SPRY3: variants seen among roughly 807,000 people sequenced by gnomAD.
SPRY3 encodes protein sprouty homolog 3.
Under a neutral mutation model 20.2 loss-of-function variants are expected in SPRY3, and 15 were observed. That is an observed-to-expected ratio of 0.74 (90% CI 0.50 to 1.14). The LOEUF (loss-of-function observed/expected upper bound fraction) is 1.14. SPRY3 is among the 50% of genes most tolerant of loss of function. SPRY3 has a pLI of 0.00. For missense variants in SPRY3, 364 were observed against 363.9 expected (o/e 1.00, Z 0.00); for synonymous variants, 143 against 136.5 (o/e 1.05, Z -0.33).
chrX:155,767,235 GGA>G, intron 2 of SPRY3, among the ~76,000 whole-genome samples: 1 of 151,834 alleles, frequency 6.6e-6, no homozygotes, highest in Non-Finnish European at 1.5e-5. Context: ...GGGGGAGGGG[GGA>G]GAGAAAGAAA....
chrX:155,745,557 A>G (rs898023039), intron 2 of SPRY3, among the ~76,000 whole-genome samples: 3 of 152,078 alleles, frequency 2.0e-5, no homozygotes, highest in African/African-American at 7.2e-5. Flanking sequence ...CTTGTCTTCC[A>G]AACAAAAAAT....
intron 2 of SPRY3, among the ~76,000 whole-genome samples, chrX:155,737,456 A>G (rs2091176764): frequency 6.6e-6 from 1 of 152,174 alleles, no homozygotes; most frequent in African/African-American, 2.4e-5. Flanking sequence ...CAATGTAAAA[A>G]ATGCCATAAT....
chrX:155,741,969 T>A (rs1216750790), intron 2 of SPRY3, among the ~76,000 whole-genome samples: 1 of 152,114 alleles, frequency 6.6e-6, no homozygotes, highest in Non-Finnish European at 1.5e-5. Context: ...AGCATCATGA[T>A]GACAGGATCA....
intron 1 of SPRY3, among the ~76,000 whole-genome samples, chrX:155,637,166 T>C (rs1033015999): frequency 5.5e-5 from 6 of 109,480 alleles, no homozygotes; most frequent in Non-Finnish European, 9.5e-5. Context: ...CACATGTACC[T>C]TAAAACTTAA....
chrX:155,665,186 T>A (rs782062350), intron 2 of SPRY3, among the ~76,000 whole-genome samples: 1 of 110,759 alleles, frequency 9.0e-6, no homozygotes, highest in African/African-American at 3.3e-5. Context: ...TGAGATATTA[T>A]TTAATATTCA....
chrX:155,713,093 C>G (rs1440856151), intron 2 of SPRY3, among the ~76,000 whole-genome samples: 2 of 151,534 alleles, frequency 1.3e-5, no homozygotes, highest in African/African-American at 4.9e-5. Flanking sequence ...ATCATTTAAT[C>G]TTTCTTTTTT....
chrX:155,732,445 T>A (rs776844580), intron 2 of SPRY3, among the ~76,000 whole-genome samples: 2 of 152,002 alleles, frequency 1.3e-5, no homozygotes, highest in African/African-American at 4.8e-5. Context: ...AAATCAAAAC[T>A]ACAATGAGAT....
In SPRY3 at chrX:155,721,550, T is replaced by A. The variant is rs551558535; in HGVS notation, c.-281-46412T>A. ...AAGGATAAAGAAAGGATCCTAAAAGTAGCAAGAGAAAATAAACGAATAACA... is the reference window on the plus strand; with the variant it reads ...AAGGATAAAGAAAGGATCCTAAAAGAAGCAAGAGAAAATAAACGAATAACA... On this transcript the variant is annotated intron_variant, in intron 2 of 3. Transcript: ENST00000675360. Among the ~76,000 whole-genome samples, 7 of 151,890 alleles carry A rather than the reference T, an allele frequency of 4.6e-5. No homozygotes were observed. The South Asian group carries it at 1.5e-3, about 32-fold the overall frequency.
chrX:155,749,552 A>G (rs2091248779), intron 2 of SPRY3, among the ~76,000 whole-genome samples: 1 of 151,858 alleles, frequency 6.6e-6, no homozygotes, highest in Admixed American at 6.6e-5. Context: ...AAAATAAAAA[A>G]AATTTGAGGT....
intron 2 of SPRY3, among the ~76,000 whole-genome samples, chrX:155,750,774 T>C (rs1230646656): frequency 6.6e-6 from 1 of 151,792 alleles, no homozygotes; most frequent in Non-Finnish European, 1.5e-5. Context: ...TATAAAAATG[T>C]CACAGCATTG....
At chrX:155,692,865 T>A (rs1057002325) in intron 2 of SPRY3, among the ~76,000 whole-genome samples, 10 of 111,965 alleles carry the variant, frequency 8.9e-5, no homozygotes, top group African/African-American at 3.2e-4. Context: ...CTTAATGATA[T>A]GTACTGATGT....
exon 4 of SPRY3, chrX:155,774,190 C>T (rs1376157957): frequency 6.2e-6 from 10 of 1,614,004 alleles, no homozygotes; most frequent in East Asian, 4.5e-5. Flanking sequence ...TACACCCTCA[C>T]CTTCAGGCCA....
At chrX:155,629,552 T>G (rs1211380115) in intron 1 of SPRY3, among the ~76,000 whole-genome samples, 1 of 111,651 alleles carries the variant, frequency 9.0e-6, no homozygotes, top group Non-Finnish European at 1.9e-5. Context: ...AAATGGTATT[T>G]CTAGTTCTAG....
chrX:155,616,150 T>TC (rs55763745), intron 1 of SPRY3, among the ~76,000 whole-genome samples: 7 of 39,997 alleles, frequency 1.8e-4, no homozygotes, highest in Middle Eastern at 0.019. Flanking sequence ...TCTCTCTCTC[T>TC]TCTCTCTCTC....
At chrX:155,766,607 A>G (rs892654112) in intron 2 of SPRY3, among the ~76,000 whole-genome samples, 5 of 152,190 alleles carry the variant, frequency 3.3e-5, no homozygotes. Flanking sequence ...TTTTAAATAT[A>G]AAGCTGCTGT....
chrX:155,640,695 A>C (rs1298328387), intron 1 of SPRY3, among the ~76,000 whole-genome samples: 2 of 111,307 alleles, frequency 1.8e-5, no homozygotes, highest in Non-Finnish European at 3.8e-5. Context: ...AGCTATTGTA[A>C]ATGGGATTAC....
chrX:155,738,422 G>A (rs1811076493), intron 2 of SPRY3, among the ~76,000 whole-genome samples: 1 of 152,110 alleles, frequency 6.6e-6, no homozygotes, highest in African/African-American at 2.4e-5. Flanking sequence ...AAAACAAATA[G>A]GACAGGCCAA....
At chrX:155,737,862 T>C (rs2091179254) in intron 2 of SPRY3, among the ~76,000 whole-genome samples, 1 of 152,136 alleles carries the variant, frequency 6.6e-6, no homozygotes, top group Non-Finnish European at 1.5e-5. Flanking sequence ...TTAGGAAGAT[T>C]CTCTACCTTC....
chrX:155,631,918 A>G (rs1472475171), intron 1 of SPRY3, among the ~76,000 whole-genome samples: 1 of 111,584 alleles, frequency 9.0e-6, no homozygotes, highest in East Asian at 2.8e-4. Context: ...CCTTTGTGTT[A>G]TAAACAATAC....
Sources: allele counts gnomAD v4.1 joint callset (sites outside exome capture counted in the v4.1 genomes callset), GRCh38; gene constraint gnomAD v4.1.1; transcripts MANE v1.5; gene names NCBI Gene and HGNC (gene_info 2026-07-23, HGNC 2026-07-21).